AP3D1: variants seen among roughly 807,000 people sequenced by gnomAD.
AP3D1 encodes the protein AP-3 complex subunit delta-1.
Under a neutral mutation model 147.6 loss-of-function variants are expected in AP3D1, and 51 were observed. That is an observed-to-expected ratio of 0.35 (90% confidence interval 0.28 to 0.44). The LOEUF (loss-of-function observed/expected upper bound fraction) is 0.44, where lower values mean the gene tolerates loss of function less well. Ranked by LOEUF, AP3D1 falls within the 20% of genes least tolerant of loss-of-function variation. AP3D1 has a pLI of 1.00. For synonymous variants in AP3D1, 760 were observed against 663.0 expected, an observed-to-expected ratio of 1.15 and a Z score of -2.25; for missense variants, 1,421 against 1,624.2, an observed-to-expected ratio of 0.87 and a Z score of 2.15.
chr19:2,105,241 C>T (rs1365813931), intron 31 of AP3D1, among the ~76,000 whole-genome samples: 2 of 152,174 alleles, frequency 1.3e-5, no homozygotes, highest in Admixed American at 1.3e-4. Context: ...GAGCAGGCCC[C>T]CCAAAATCTG....
chr19:2,103,370 G>A (rs772915507), intron 31 of AP3D1, among the ~76,000 whole-genome samples: 4 of 152,142 alleles, frequency 2.6e-5, no homozygotes, highest in South Asian at 2.1e-4. Flanking sequence ...ACCAGAATCC[G>A]AAGAGCTCCT....
chr19:2,121,411 C>T (rs2018607937), intron 12 of AP3D1, 100 bp from the exon 13 acceptor site: 7 of 1,428,036 alleles, frequency 4.9e-6, no homozygotes, highest in African/African-American at 1.4e-5. Context: ...CCACGGGACA[C>T]AGGCGGACCC....
intron 4 of AP3D1, among the ~76,000 whole-genome samples, chr19:2,136,756 G>A (rs962723805): frequency 2.0e-5 from 3 of 152,180 alleles, no homozygotes; most frequent in Admixed American, 6.5e-5. Context: ...GGCCCCTCCA[G>A]GTGGTGAGCG....
At chr19:2,139,171 G>A (rs2019155940) in intron 1 of AP3D1, among the ~76,000 whole-genome samples, 1 of 152,080 alleles carries the variant, frequency 6.6e-6, no homozygotes, top group Non-Finnish European at 1.5e-5. Context: ...GAGACAGGAA[G>A]GGGATTCGTG....
rs180899324 is a variant in AP3D1, at chr19:2,131,262, C to T, written c.463-725G>A. 2.3e-3 allele frequency among the ~76,000 whole-genome samples: 344 copies of T among 152,366 alleles called. 1 individual carries two copies. The highest frequency in any genetic ancestry group is 6.8e-3 in the Middle Eastern group (2 of 294). ...CCAAGACCATCAGCCACGATCTAGA[C>T]ACCTCCAGGTGGACAGGCAGCCACA... On this transcript the variant is annotated intron_variant, in intron 5 of 31. Coordinates refer to ENST00000643116, the MANE Select transcript of AP3D1 (RefSeq NM_001261826.3).
At chr19:2,161,410 C>G (rs1225754789) in intron 1 of AP3D1, among the ~76,000 whole-genome samples, 1 of 151,956 alleles carries the variant, frequency 6.6e-6, no homozygotes, top group East Asian at 1.9e-4. Flanking sequence ...GATCCGCCCC[C>G]CTCAGCCTCC....
At position 2,151,446 on chromosome 19, in the gene AP3D1, G is replaced by C. The variant is rs1462428126; in HGVS notation, c.-112C>G. ...CGCCGCGCTGCCGGCCGCTGCGGCGGGGCAAGCTCCCAGGCCAGGGCGGCG... is the reference window on the plus strand; with the variant it reads ...CGCCGCGCTGCCGGCCGCTGCGGCGCGGCAAGCTCCCAGGCCAGGGCGGCG... On this transcript the variant is annotated 5_prime_UTR_variant, in exon 1 of 32. Transcript: ENST00000643116. 2.6e-5 allele frequency: 16 copies of C among 621,620 alleles called. No homozygotes were observed. The East Asian group carries it at 1.9e-3, about 74-fold the overall frequency. 38.5% of individuals were successfully genotyped at this position (621,620 alleles called of 1,614,324 possible).
chr19:2,116,733 C>T lies in AP3D1; in HGVS notation c.1873G>A (p.Ala625Thr), dbSNP rs778906967. 8.1e-6 allele frequency: 13 copies of T among 1,610,276 alleles called. No homozygotes were observed. The African/African-American group carries it at 1.1e-4, about 13-fold the overall frequency. ...TCCGAGAGTGGCTCATTGATCCAGG[C>T]GTCCAGGTCCAGGCTGCACCGGACA... ...VPVPEGLDLD[A>T]WINEPLSDSE... Residue 625 changes from alanine to threonine, a missense_variant, in exon 17 of 32, where the codon GCC (alanine) becomes ACC (threonine). Transcript: ENST00000643116.
Position 2,121,050 on chromosome 19 carries a change from T to C in AP3D1, c.1293A>G (p.Thr431=). ...GGGCGGCGATGAGGTGGCCGTGCCG[T>C]GTGCCCTCCAGCCGGGTCAGCTCCA... The part of the protein sequence containing the change: ...ILVELTRLEG[T]RHGHLIAAQM... The change falls in exon 14 of 32, where the codon ACA becomes ACG. Residue 431 remains threonine (T), a synonymous_variant. Coordinates refer to ENST00000643116, the MANE Select transcript of AP3D1 (RefSeq NM_001261826.3). 1 of 1,613,254 alleles carries C rather than the reference T, an allele frequency of 6.2e-7. No individual in the cohort carries two copies. Among genetic ancestry groups the C allele is most frequent in the South Asian group, 1.1e-5 (1 of 91,080 alleles).
rs1029550383 is a variant in AP3D1 at position 2,118,769 on chromosome 19, T to G, written c.1545A>C (p.Pro515=). 6 of 1,613,796 alleles carry G rather than the reference T, an allele frequency of 3.7e-6. No homozygotes were observed. The highest frequency in any genetic ancestry group is 5.1e-6 in the Non-Finnish European group (6 of 1,180,014). Residue 515 remains proline (P), a synonymous_variant, in exon 15 of 32, where the codon CCA becomes CCC. Transcript: ENST00000643116. ...GCACATACACGGCCTGGATGTGGCC[T>G]GGCAGCGTGGTGACTCTGGGCCGCA... ...AMLRPRVTTL[P]GHIQAVYVQN...
intron 1 of AP3D1, among the ~76,000 whole-genome samples, chr19:2,162,692 A>C (rs77120537): frequency 1.6e-4 from 23 of 144,854 alleles, no homozygotes; most frequent in East Asian, 6.2e-4. Context: ...CAAAAAAAAA[A>C]CCCCAAAAAA....
rs1373865856 is a variant in AP3D1 at position 2,101,957 on chromosome 19, C to T, written c.*216G>A. 1 of 537,182 alleles carries T rather than the reference C, an allele frequency of 1.9e-6. No individual in the cohort carries two copies. The highest frequency in any genetic ancestry group is 3.3e-6 in the Non-Finnish European group (1 of 303,346). 33.3% of individuals were successfully genotyped at this position (537,182 alleles called of 1,614,324 possible). On this transcript the variant is annotated 3_prime_UTR_variant, in exon 32 of 32. Transcript: ENST00000643116. Reference sequence around the variant, plus strand: ...TGGTTTGGGGGCGAGAAGGGGACTTCTTGCCAAAGAGAATGGGAAGAGTCA... The same window carrying T: ...TGGTTTGGGGGCGAGAAGGGGACTTTTTGCCAAAGAGAATGGGAAGAGTCA...
chr19:2,107,597 G>A (rs936926504), intron 31 of AP3D1, among the ~76,000 whole-genome samples: 12 of 151,954 alleles, frequency 7.9e-5, no homozygotes, highest in South Asian at 4.2e-4. Context: ...AAAATTAGCC[G>A]GGCGTGGTGG....
chr19:2,139,059 C>CA (rs60728832), intron 1 of AP3D1, among the ~76,000 whole-genome samples: 800 of 61,578 alleles, frequency 0.013, 38 homozygotes, highest in South Asian at 0.015. Flanking sequence ...GACTCCGTCT[C>CA]AAAAAAAAAA....
At position 2,123,842 on chromosome 19, in the gene AP3D1, G is replaced by A. The variant is rs769009006; in HGVS notation, c.894C>T (p.Ser298=). 5.1e-6 allele frequency: 8 copies of A among 1,576,058 alleles called. No individual in the cohort carries two copies. Among genetic ancestry groups the A allele is most frequent in the African/African-American group, 4.1e-5 (3 of 73,900 alleles). Residue 298 remains serine (S), a synonymous_variant, in exon 10 of 32, where the codon AGC becomes AGT. Coordinates refer to ENST00000643116, the MANE Select transcript of AP3D1 (RefSeq NM_001261826.3). ...GTGCGGGACGTACCTGGATGCTGGC[G>A]CTGTGGTTGGGCATGCCGGAGGACA... ...ISLSSGMPNH[S]ASIQLCVQKL... is the part of the protein sequence containing the mutation.
chr19:2,125,742 G>A (rs2018736889), intron 9 of AP3D1, among the ~76,000 whole-genome samples: 1 of 151,628 alleles, frequency 6.6e-6, no homozygotes, highest in Non-Finnish European at 1.5e-5. Context: ...GTGTGTAGAT[G>A]TGTTAATTAT....
chr19:2,107,041 A>C (rs1328662806), intron 31 of AP3D1, among the ~76,000 whole-genome samples: 1 of 152,090 alleles, frequency 6.6e-6, no homozygotes, highest in Middle Eastern at 3.2e-3. Context: ...AGGCAGACAG[A>C]TCATGAGGTC....
chr19:2,112,687 T>A, intron 24 of AP3D1, 173 bp downstream of exon 24: 1 of 557,310 alleles, frequency 1.8e-6, no homozygotes, highest in South Asian at 2.4e-5. Flanking sequence ...AATAAGAAGG[T>A]TATTAAAAAA....
At chr19:2,109,045 T>C (rs2018190098) in intron 30 of AP3D1, 41 bp downstream of exon 30, 2 of 1,601,946 alleles carry the variant, frequency 1.2e-6, no homozygotes, top group Non-Finnish European at 1.7e-6. Flanking sequence ...GCCGCGTGCG[T>C]GAAAGCCCCG....
Sources: allele counts gnomAD v4.1 joint callset (sites outside exome capture counted in the v4.1 genomes callset), GRCh38; gene constraint gnomAD v4.1.1; transcripts MANE v1.5; gene names NCBI Gene and HGNC (gene_info 2026-07-23, HGNC 2026-07-21).